Variants in PCDHAC1 observed in about 807,000 individuals in gnomAD.
PCDHAC1 encodes the protein protocadherin alpha subfamily C, 1, also known as protocadherin alpha-C1.
PCDHAC1 carries 42 observed loss-of-function variants against 60.0 expected under a neutral mutation model. That is an observed-to-expected ratio of 0.70 (90% confidence interval 0.55 to 0.90). PCDHAC1 has a LOEUF of 0.90. Ranked by LOEUF, PCDHAC1 falls within the 40% of genes least tolerant of loss-of-function variation. The pLI is 0.00. For missense variants in PCDHAC1, 1,160 were observed against 1,222.3 expected (o/e 0.95, Z 0.76); for synonymous variants, 468 against 499.3 (o/e 0.94, Z 0.84).
intron 1 of PCDHAC1, among the ~76,000 whole-genome samples, chr5:140,959,643 G>A (rs246006): frequency 0.56 from 85,684 of 152,026 alleles, 24,754 homozygotes; most frequent in African/African-American, 0.69. Flanking sequence ...AAAAAACACA[G>A]AAGCAAAATT....
intron 1 of PCDHAC1, chr5:140,969,574 G>T (rs948199454): frequency 1.0e-6 from 1 of 983,446 alleles, no homozygotes; most frequent in Non-Finnish European, 1.5e-6. Context: ...TGTTTGAGAA[G>T]TGAGGATTAG....
Position 140,926,583 on chromosome 5 carries a change from G to C in PCDHAC1, c.-310G>C. ...GCTGCTACTGGAGACAGCACCTCTC[G>C]CGCCCGGGCGGGCGGCCTCGTCTCT... On this transcript the variant is annotated 5_prime_UTR_variant, in exon 1 of 4. Transcript: ENST00000253807. 1 of 279,462 alleles carries C rather than the reference G, an allele frequency of 3.6e-6. No homozygotes were observed. Among genetic ancestry groups the C allele is most frequent in the Non-Finnish European group, 6.6e-6 (1 of 151,562 alleles). The allele number at this position is 279,462 out of a possible 1,614,324, so 17.3% of individuals were successfully genotyped here. A position where few individuals can be genotyped will look rare whatever the true frequency, so the allele number is the denominator to read the frequency against.
intron 3 of PCDHAC1, among the ~76,000 whole-genome samples, chr5:141,004,893 C>A (rs1339074840): frequency 1.3e-5 from 2 of 152,154 alleles, no homozygotes; most frequent in African/African-American, 4.8e-5. Flanking sequence ...ATTGTGTCAG[C>A]TCTGCCAGGG....
chr5:140,967,831 C>T (rs2153762943), intron 1 of PCDHAC1: 1 of 1,614,130 alleles, frequency 6.2e-7, no homozygotes, highest in Admixed American at 1.7e-5. Flanking sequence ...TGGTGGACAT[C>T]GTGGACGTGA....
chr5:140,988,268 G>A (rs1463795699), intron 3 of PCDHAC1, among the ~76,000 whole-genome samples: 3 of 152,160 alleles, frequency 2.0e-5, no homozygotes, highest in Non-Finnish European at 4.4e-5. Context: ...AGTATCCTTC[G>A]CTGTCACCTG....
chr5:140,952,952 G>C (rs1477546132), intron 1 of PCDHAC1, among the ~76,000 whole-genome samples: 1 of 151,924 alleles, frequency 6.6e-6, no homozygotes, highest in Non-Finnish European at 1.5e-5. Context: ...GAGAGAAGGG[G>C]GAAGTGATAC....
In PCDHAC1 at chr5:141,009,726, C is replaced by A. The variant is rs373683237; in HGVS notation, c.2681C>A (p.Pro894His). Residue 894 changes from proline to histidine, a missense_variant, in exon 4 of 4, where the codon CCC (proline) becomes CAC (histidine). By Grantham distance (77) the Pro-to-His change is moderately conservative (BLOSUM62 -2). Coordinates refer to ENST00000253807, the MANE Select transcript of PCDHAC1 (RefSeq NM_018898.5). ...YGPGNPKQSGPGELPDKFIIP... is the reference protein window; with the variant it reads ...YGPGNPKQSGHGELPDKFIIP... The stretch of plus-strand genomic sequence containing the variant: ...CCAGGCAACCCCAAACAATCCGGTC[C>A]CGGTGAGTTGCCCGACAAATTCATT... 85 of 1,614,016 alleles carry A rather than the reference C, an allele frequency of 5.3e-5. No individual in the cohort carries two copies. Among genetic ancestry groups the A allele is most frequent in the Non-Finnish European group, 4.4e-5 (52 of 1,180,032 alleles).
rs1554229126 is a variant in PCDHAC1 at position 140,967,062 on chromosome 5, T to C, written c.2434-11887T>C. 3 of 1,612,916 alleles carry C rather than the reference T, an allele frequency of 1.9e-6. No individual in the cohort carries two copies. In the Admixed American group the frequency reaches 5.0e-5, roughly 27 times the overall value. ...GAGCTGGACCTGACGAGTGGAGCGC[T>C]CTTCGTCAACGAGCGCATTGATCGG... On this transcript the variant is annotated intron_variant, in intron 1 of 3. Transcript: ENST00000253807.
chr5:140,950,040 C>T (rs1053592525), intron 1 of PCDHAC1, among the ~76,000 whole-genome samples: 4 of 151,718 alleles, frequency 2.6e-5, no homozygotes, highest in Non-Finnish European at 5.9e-5. Flanking sequence ...AAGTTACAAC[C>T]ATATAAGACT....
rs558686220 is a variant in PCDHAC1 at position 140,926,469 on chromosome 5, C to A, written c.-424C>A. 1 of 162,452 alleles carries A rather than the reference C, an allele frequency of 6.2e-6. No homozygotes were observed. Among genetic ancestry groups the A allele is most frequent in the Admixed American group, 6.4e-5 (1 of 15,556 alleles). The allele number at this position is 162,452 out of a possible 1,614,324, so 10.1% of individuals were successfully genotyped here. A position where few individuals can be genotyped will look rare whatever the true frequency, so the allele number is the denominator to read the frequency against. On this transcript the variant is annotated 5_prime_UTR_variant, in exon 1 of 4. Coordinates refer to ENST00000253807, the MANE Select transcript of PCDHAC1 (RefSeq NM_018898.5). ...CTCAGGGCGTTGTCCTAGAAAACAC[C>A]GTTTAAGGAGAGAAGTGTTAGTGTC...
intron 1 of PCDHAC1, among the ~76,000 whole-genome samples, chr5:140,948,738 A>T (rs1347138284): frequency 6.6e-6 from 1 of 151,488 alleles, no homozygotes; most frequent in African/African-American, 2.4e-5. Flanking sequence ...CTAGCTGAGA[A>T]TTTATCAATT....
chr5:140,992,127 T>G (rs1237289084), intron 3 of PCDHAC1, among the ~76,000 whole-genome samples: 1 of 151,584 alleles, frequency 6.6e-6, no homozygotes, highest in Non-Finnish European at 1.5e-5. Flanking sequence ...GGAAGAACAG[T>G]GACTGATGAT....
chr5:140,961,135 A>T (rs1554225235), intron 1 of PCDHAC1, among the ~76,000 whole-genome samples: 2 of 152,186 alleles, frequency 1.3e-5, no homozygotes, highest in African/African-American at 4.8e-5. Flanking sequence ...TTGGCACTTA[A>T]GAGTTGGCAT....
At chr5:140,981,186 T>G (rs1307228709) in intron 2 of PCDHAC1, among the ~76,000 whole-genome samples, 1 of 152,234 alleles carries the variant, frequency 6.6e-6, no homozygotes, top group Non-Finnish European at 1.5e-5. Flanking sequence ...AGTTCAAGTT[T>G]GCCTGCTCTG....
chr5:140,998,393 C>A (rs1178528705), intron 3 of PCDHAC1, among the ~76,000 whole-genome samples: 12 of 152,288 alleles, frequency 7.9e-5, no homozygotes, highest in African/African-American at 2.4e-4. Flanking sequence ...TTAATGCCAT[C>A]TTTATGCCAA....
intron 3 of PCDHAC1, among the ~76,000 whole-genome samples, chr5:140,984,056 G>A (rs569184437): frequency 6.6e-6 from 1 of 152,318 alleles, no homozygotes; most frequent in African/African-American, 2.4e-5. Context: ...TGACAAATCT[G>A]TACCCTCAGT....
chr5:140,943,270 AAAAAAAAG>A (rs1301290983), intron 1 of PCDHAC1, among the ~76,000 whole-genome samples: 4 of 150,618 alleles, frequency 2.7e-5, no homozygotes, highest in African/African-American at 4.9e-5. Context: ...AAAAAAAAAA[AAAAAAAAG>A]AAAGAAAGAA....
At chr5:140,986,005 C>G (rs912493095) in intron 3 of PCDHAC1, among the ~76,000 whole-genome samples, 1 of 152,040 alleles carries the variant, frequency 6.6e-6, no homozygotes, top group African/African-American at 2.4e-5. Flanking sequence ...TCCCAAAGTG[C>G]TGGGATTACA....
chr5:140,963,717 T>C (rs2095787814), intron 1 of PCDHAC1, among the ~76,000 whole-genome samples: 1 of 152,256 alleles, frequency 6.6e-6, no homozygotes, highest in Admixed American at 6.5e-5. Context: ...ATGCTACATA[T>C]AGACTGCCAA....
Sources: allele counts gnomAD v4.1 joint callset (sites outside exome capture counted in the v4.1 genomes callset), GRCh38; gene constraint gnomAD v4.1.1; transcripts MANE v1.5; gene names NCBI Gene and HGNC (gene_info 2026-07-23, HGNC 2026-07-21).